COA1: variants seen among roughly 807,000 people sequenced by gnomAD.
COA1 encodes cytochrome c oxidase assembly factor 1 homolog.
Under a neutral mutation model 16.0 loss-of-function variants are expected in COA1, and 13 were observed. The observed-to-expected ratio is 0.81, with a 90% CI of 0.53 to 1.29. The LOEUF (loss-of-function observed/expected upper bound fraction) is 1.29, where lower values mean the gene tolerates loss of function less well. Among genes scored for constraint, COA1 ranks in the 50% most tolerant of loss-of-function variants. The pLI, the probability that COA1 is intolerant of heterozygous loss-of-function variation, is 0.00. For missense variants in COA1, 179 were observed against 177.0 expected (o/e 1.01, Z -0.06); for synonymous variants, 65 against 65.7 (o/e 0.99, Z 0.05).
At chr7:43,609,610 G>C (rs1361716966) in intron 6 of COA1, 1 of 152,228 alleles carries the variant, frequency 6.6e-6, no homozygotes, top group African/African-American at 2.4e-5. Flanking sequence ...TTGATTTTCT[G>C]ATGGTTACTT....
At chr7:43,608,777 A>G (rs2082648137) in exon 7 of COA1, 1 of 159,840 alleles carries the variant, frequency 6.3e-6, no homozygotes, top group Non-Finnish European at 1.4e-5. Context: ...TTTCACTGGA[A>G]TTGAGAAATC....
In COA1 at chr7:43,688,633, A is replaced by G. The variant is rs190105783; in HGVS notation, c.-38-39981T>C. 9.4e-4 allele frequency among the ~76,000 whole-genome samples: 143 copies of G among 151,790 alleles called. 2 individuals carry two copies. The highest frequency in any genetic ancestry group is 3.3e-3 in the African/African-American group (136 of 41,072). On this transcript the variant is annotated intron_variant, in intron 1 of 5. Coordinates refer to ENST00000223336, the MANE Select transcript of COA1 (RefSeq NM_018224.4). ...CAAGATAGAAAGTGAATGTATCCTC[A>G]TAAAAAAAAAATAGTCCAGATATAG... is the stretch of plus-strand genomic sequence containing the variant.
At chr7:43,652,035 G>A (rs147362632) in intron 1 of COA1, among the ~76,000 whole-genome samples, 87 of 152,270 alleles carry the variant, frequency 5.7e-4, no homozygotes, top group Middle Eastern at 3.4e-3. Flanking sequence ...GCCACACCCA[G>A]ACCAATTAAA....
intron 1 of COA1, among the ~76,000 whole-genome samples, chr7:43,697,413 T>A (rs2094565434): frequency 6.6e-6 from 1 of 152,054 alleles, no homozygotes; most frequent in South Asian, 2.1e-4. Context: ...TGTCTCAGCC[T>A]CCCGAGTAGC....
chr7:43,714,028 C>T (rs1045201497), intron 1 of COA1, among the ~76,000 whole-genome samples: 3 of 151,798 alleles, frequency 2.0e-5, no homozygotes, highest in East Asian at 1.9e-4. Flanking sequence ...TATTAAAACA[C>T]AGATGGCAGG....
intron 2 of COA1, chr7:43,648,273 T>C: frequency 2.3e-6 from 1 of 440,106 alleles, no homozygotes; most frequent in Non-Finnish European, 4.1e-6. Context: ...GTTCTCATAA[T>C]GAAAACGGTC....
chr7:43,645,346 G>A lies in COA1; in HGVS notation c.169C>T (p.His57Tyr). The change falls in exon 4 of 6, where the codon CAT (histidine) becomes TAT (tyrosine). Residue 57 changes from histidine (H) to tyrosine (Y), a missense_variant. Physicochemically the swap from His to Tyr is moderately conservative, Grantham distance 83 (BLOSUM62 2). Coordinates refer to ENST00000223336, the MANE Select transcript of COA1 (RefSeq NM_018224.4). ...CCCAGAGCTTCCTGTGCCTCGGGAT[G>A]GCTCTGCAGCTGCTCCACTGCCAAC... Reference protein sequence around the residue: ...YKLAVEQLQSHPEAQEALGPP... With the variant: ...YKLAVEQLQSYPEAQEALGPP... 6.2e-7 allele frequency: 1 copy of A among 1,613,994 alleles called. No homozygotes were observed. The highest frequency in any genetic ancestry group is 8.5e-7 in the Non-Finnish European group (1 of 1,179,868).
chr7:43,655,133 A>T (rs1314920317), intron 1 of COA1, among the ~76,000 whole-genome samples: 1 of 152,136 alleles, frequency 6.6e-6, no homozygotes, highest in African/African-American at 2.4e-5. Flanking sequence ...ATGAACAGAA[A>T]CATCTAGTGT....
chr7:43,723,165 C>T (rs2095544823), intron 1 of COA1, among the ~76,000 whole-genome samples: 1 of 152,126 alleles, frequency 6.6e-6, no homozygotes, highest in African/African-American at 2.4e-5. Context: ...TTAGGGCTGC[C>T]CTTAAGCCAT....
chr7:43,643,188 A>C (rs113228527), intron 4 of COA1, among the ~76,000 whole-genome samples: 2 of 152,334 alleles, frequency 1.3e-5, no homozygotes, highest in African/African-American at 4.8e-5. Flanking sequence ...CCAAAGTGAA[A>C]GCTGGACAGG....
At chr7:43,625,404 T>C (rs1232140425) in intron 6 of COA1, 1 of 152,220 alleles carries the variant, frequency 6.6e-6, no homozygotes, top group African/African-American at 2.4e-5. Context: ...CTTGATTTGG[T>C]TTCTGTTGTG....
intron 1 of COA1, among the ~76,000 whole-genome samples, chr7:43,654,827 A>G (rs1244497420): frequency 5.3e-5 from 8 of 152,216 alleles, no homozygotes; most frequent in Admixed American, 2.6e-4. Flanking sequence ...TTTACATACC[A>G]TTTTCCCAAA....
chr7:43,726,382 G>C (rs1366861955), intron 1 of COA1, among the ~76,000 whole-genome samples: 2 of 152,078 alleles, frequency 1.3e-5, no homozygotes, highest in East Asian at 3.8e-4. Flanking sequence ...TTAGCCAGAA[G>C]GCTTTTAGAG....
chr7:43,640,892 A>C, intron 4 of COA1: 2 of 437,146 alleles, frequency 4.6e-6, no homozygotes, highest in East Asian at 4.5e-5. Flanking sequence ...CTCCTATGTC[A>C]ATGCTCTGGG....
intron 6 of COA1, chr7:43,631,683 T>A (rs1293148682): frequency 6.6e-6 from 1 of 152,248 alleles, no homozygotes; most frequent in African/African-American, 2.4e-5. Flanking sequence ...CTGTCTTTAG[T>A]TTTCAGAAGT....
intron 1 of COA1, among the ~76,000 whole-genome samples, chr7:43,664,526 G>A (rs1366364678): frequency 6.6e-6 from 1 of 152,162 alleles, no homozygotes; most frequent in Non-Finnish European, 1.5e-5. Flanking sequence ...GATTACAGAA[G>A]CATGTTCACC....
At chr7:43,653,126 C>T (rs1008088833) in intron 1 of COA1, among the ~76,000 whole-genome samples, 1 of 152,122 alleles carries the variant, frequency 6.6e-6, no homozygotes, top group African/African-American at 2.4e-5. Flanking sequence ...TCCTGGCTAA[C>T]GTGGTGAAAC....
At chr7:43,648,416 G>C in intron 2 of COA1, 184 bp downstream of exon 2, 1 of 736,698 alleles carries the variant, frequency 1.4e-6, no homozygotes, top group South Asian at 1.5e-5. Flanking sequence ...TGAGACACGA[G>C]AGAAAGACAG....
At chr7:43,727,962 T>G in intron 1 of COA1, among the ~76,000 whole-genome samples, 1 of 150,238 alleles carries the variant, frequency 6.7e-6, no homozygotes, top group East Asian at 1.9e-4. Flanking sequence ...TACTAATTAC[T>G]TTTAGGTTTT....
Sources: allele counts gnomAD v4.1 joint callset (sites outside exome capture counted in the v4.1 genomes callset), GRCh38; gene constraint gnomAD v4.1.1; transcripts MANE v1.5; gene names NCBI Gene and HGNC (gene_info 2026-07-23, HGNC 2026-07-21).